The following FARS2 variants were observed in gnomAD, a reference collection of about 807,000 sequenced individuals.
FARS2 encodes phenylalanine--tRNA ligase, mitochondrial.
FARS2 carries 40 observed loss-of-function variants against 46.4 expected under a neutral mutation model. The ratio of observed to expected loss-of-function variants is 0.86; its 90% CI spans 0.67 to 1.12. The LOEUF (loss-of-function observed/expected upper bound fraction) is 1.12. Ranked by LOEUF, FARS2 falls within the 50% of genes most tolerant of loss-of-function variation. The pLI, the probability that FARS2 is intolerant of heterozygous loss-of-function variation, is 0.00. For synonymous variants in FARS2, 234 were observed against 214.9 expected (o/e 1.09, Z -0.78); for missense variants, 513 against 567.9 (o/e 0.90, Z 0.98).
chr6:5,599,463 A>G (rs1774385959), intron 5 of FARS2, among the ~76,000 whole-genome samples: 1 of 152,252 alleles, frequency 6.6e-6, no homozygotes, highest in Non-Finnish European at 1.5e-5. Flanking sequence ...TTTAACCGAA[A>G]AAAATGAACG....
At chr6:5,621,280 G>A (rs539322550) in intron 6 of FARS2, among the ~76,000 whole-genome samples, 1 of 151,588 alleles carries the variant, frequency 6.6e-6, no homozygotes, top group South Asian at 2.1e-4. Flanking sequence ...AATAGAGATG[G>A]AGGTCTTGCT....
At chr6:5,381,370 AACACAC>A (rs3057175) in intron 2 of FARS2, among the ~76,000 whole-genome samples, 24 of 132,984 alleles carry the variant, frequency 1.8e-4, no homozygotes, top group Admixed American at 2.2e-4. Flanking sequence ...ACTCCCCAGA[AACACAC>A]ACACACACAC....
chr6:5,738,104 C>A (rs548477483), intron 6 of FARS2, among the ~76,000 whole-genome samples: 1 of 152,304 alleles, frequency 6.6e-6, no homozygotes, highest in South Asian at 2.1e-4. Context: ...ATGCACACCA[C>A]CACGCCCAGC....
At chr6:5,615,187 T>C (rs951000364) in intron 6 of FARS2, among the ~76,000 whole-genome samples, 1 of 152,260 alleles carries the variant, frequency 6.6e-6, no homozygotes, top group African/African-American at 2.4e-5. Flanking sequence ...CTTTAGGGAT[T>C]TGTTCTGATC....
chr6:5,563,437 T>C (rs1772130995), intron 5 of FARS2, among the ~76,000 whole-genome samples: 1 of 152,210 alleles, frequency 6.6e-6, no homozygotes, highest in South Asian at 2.1e-4. Context: ...GGCCTGGCTC[T>C]AAGAGCCAGG....
chr6:5,598,526 A>T (rs1338021181), intron 5 of FARS2, among the ~76,000 whole-genome samples: 1 of 152,202 alleles, frequency 6.6e-6, no homozygotes, highest in Non-Finnish European at 1.5e-5. Context: ...TCAATCAATA[A>T]ATGTTTTCAG....
chr6:5,404,274 T>TAA (rs368224378), intron 2 of FARS2, among the ~76,000 whole-genome samples: 1 of 152,338 alleles, frequency 6.6e-6, no homozygotes, highest in East Asian at 1.9e-4. Flanking sequence ...GAACTGACTA[T>TAA]AAGTTCATGC....
At chr6:5,377,486 C>T (rs569466054) in intron 2 of FARS2, among the ~76,000 whole-genome samples, 17 of 152,262 alleles carry the variant, frequency 1.1e-4, no homozygotes, top group Non-Finnish European at 1.8e-4. Flanking sequence ...GAATTTAAGA[C>T]GATTCATAAT....
chr6:5,695,679 T>G (rs1297687771), intron 6 of FARS2, among the ~76,000 whole-genome samples: 1 of 152,230 alleles, frequency 6.6e-6, no homozygotes, highest in African/African-American at 2.4e-5. Context: ...CTCAGCTGAT[T>G]ATAGAGATTA....
chr6:5,634,417 G>C (rs9378436), intron 6 of FARS2, among the ~76,000 whole-genome samples: 88,725 of 151,652 alleles, frequency 0.59, 26,826 homozygotes, highest in East Asian at 0.92. Flanking sequence ...AGCCTCCTGT[G>C]TCAACCTCCT....
intron 1 of FARS2, among the ~76,000 whole-genome samples, chr6:5,264,887 G>T (rs1053461973): frequency 1.3e-5 from 2 of 151,796 alleles, no homozygotes; most frequent in African/African-American, 2.4e-5. Flanking sequence ...TCAAACTCCC[G>T]TGCTGAAGTG....
At chr6:5,378,061 G>A (rs564138191) in intron 2 of FARS2, among the ~76,000 whole-genome samples, 1 of 152,302 alleles carries the variant, frequency 6.6e-6, no homozygotes, top group Admixed American at 6.5e-5. Context: ...GAGTGAAGGT[G>A]TACAGAGAAG....
At chr6:5,514,975 A>G (rs1768698312) in intron 4 of FARS2, among the ~76,000 whole-genome samples, 1 of 150,298 alleles carries the variant, frequency 6.7e-6, no homozygotes, top group Non-Finnish European at 1.5e-5. Context: ...ATGGGGTCTT[A>G]CTGTTGCCCA....
intron 6 of FARS2, among the ~76,000 whole-genome samples, chr6:5,645,906 G>A (rs1450577289): frequency 6.6e-6 from 1 of 152,244 alleles, no homozygotes; most frequent in East Asian, 1.9e-4. Flanking sequence ...TGTGGCAATT[G>A]GTTGTCTCAC....
chr6:5,626,934 C>A (rs566557902), intron 6 of FARS2, among the ~76,000 whole-genome samples: 3 of 152,232 alleles, frequency 2.0e-5, no homozygotes, highest in Non-Finnish European at 4.4e-5. Context: ...GGCCACAAAC[C>A]TGCACAGCAT....
chr6:5,719,436 A>AAGAGAGAG (rs1554129031), intron 6 of FARS2, among the ~76,000 whole-genome samples: 1 of 25,258 alleles, frequency 4.0e-5, no homozygotes, highest in Admixed American at 4.3e-4. Flanking sequence ...AAAGAAAGGA[A>AAGAGAGAG]AGAAAGAGAG....
intron 1 of FARS2, among the ~76,000 whole-genome samples, chr6:5,328,901 A>T (rs1414141778): frequency 1.3e-5 from 2 of 152,032 alleles, no homozygotes; most frequent in East Asian, 3.9e-4. Context: ...TGTGCCAAAG[A>T]GCTCGTTTTT....
chr6:5,300,122 G>A (rs1415192868), intron 1 of FARS2, among the ~76,000 whole-genome samples: 1 of 152,142 alleles, frequency 6.6e-6, no homozygotes. Flanking sequence ...TTAGAGAAAG[G>A]ATGTAGGATC....
At chr6:5,339,116 C>T (rs936310384) in intron 1 of FARS2, among the ~76,000 whole-genome samples, 3 of 151,998 alleles carry the variant, frequency 2.0e-5, no homozygotes, top group African/African-American at 7.2e-5. Context: ...GATAAAAATA[C>T]AACTGTGGCC....
Sources: gnomAD v4.1 joint callset for allele counts (sites outside exome capture counted in the v4.1 genomes callset) on GRCh38, gnomAD v4.1.1 for gene constraint, MANE v1.5 for transcripts, NCBI Gene and HGNC (gene_info 2026-07-23, HGNC 2026-07-21) for gene names.